COMMD6: variants seen among roughly 807,000 people sequenced by gnomAD.
COMMD6 encodes COMM domain-containing protein 6.
In COMMD6, 11 loss-of-function variants were observed where a neutral mutation model predicts 13.4. The observed-to-expected ratio is 0.82, with a 90% CI of 0.52 to 1.36. The LOEUF is 1.36. Among genes scored for constraint, COMMD6 ranks in the 40% most tolerant of loss-of-function variants. COMMD6 has a pLI of 0.00. For synonymous variants in COMMD6, 43 were observed against 36.5 expected (o/e 1.18, Z -0.64); for missense variants, 124 against 102.4 (o/e 1.21, Z -0.91).
intron 2 of COMMD6, among the ~76,000 whole-genome samples, chr13:75,534,525 A>C (rs1372719045): frequency 6.6e-6 from 1 of 152,238 alleles, no homozygotes; most frequent in Non-Finnish European, 1.5e-5. Flanking sequence ...GATTTTAAAA[A>C]TAAAAGAATA....
intron 2 of COMMD6, chr13:75,537,268 T>C: frequency 6.7e-7 from 1 of 1,487,454 alleles, no homozygotes; most frequent in East Asian, 2.5e-5. Context: ...ATGCATACTC[T>C]AAAAGGCTAA....
chr13:75,544,963 G>A (rs944685684), intron 1 of COMMD6, among the ~76,000 whole-genome samples: 1 of 147,818 alleles, frequency 6.8e-6, no homozygotes. Flanking sequence ...GACTTAAGTA[G>A]GTAAAGTGCC....
rs1315419874 is a variant in COMMD6 at position 75,529,248 on chromosome 13, C to T, written c.207+866G>A. 3.3e-5 allele frequency among the ~76,000 whole-genome samples: 5 copies of T among 152,042 alleles called. No homozygotes were observed. In the East Asian group the frequency reaches 7.7e-4, roughly 23 times the overall value. On this transcript the variant is annotated intron_variant, in intron 3 of 3. Transcript: ENST00000682242. ...ATTTAAAAGAAAACCTGGCCGGGCC[C>T]GGTGGCTCACGCCTGTAATCCTGGC... is the stretch of plus-strand genomic sequence containing the variant.
At chr13:75,539,544 G>A (rs1456084320), upstream of COMMD6, among the ~76,000 whole-genome samples, 1 of 152,072 alleles carries the variant, frequency 6.6e-6, no homozygotes, top group Admixed American at 6.5e-5. Context: ...ACTGTGCCTG[G>A]CCTCTTTCTA....
At chr13:75,532,933 G>GTT (rs1418511938) in intron 2 of COMMD6, among the ~76,000 whole-genome samples, 46 of 134,582 alleles carry the variant, frequency 3.4e-4, no homozygotes, top group African/African-American at 7.8e-4. Context: ...TTTTTGTTTT[G>GTT]TTTTTTTTTT....
At chr13:75,536,875 T>C (rs990984505) in intron 2 of COMMD6, among the ~76,000 whole-genome samples, 2 of 152,228 alleles carry the variant, frequency 1.3e-5, no homozygotes, top group East Asian at 1.9e-4. Flanking sequence ...AAATGACTTA[T>C]GAAAGATTGA....
chr13:75,533,443 C>CT (rs1178433459), intron 2 of COMMD6, among the ~76,000 whole-genome samples: 1 of 151,754 alleles, frequency 6.6e-6, no homozygotes, highest in Non-Finnish European at 1.5e-5. Flanking sequence ...TAGGGCATGC[C>CT]TTTAAGTCCC....
chr13:75,542,320 A>G (rs1593962634), upstream of COMMD6, among the ~76,000 whole-genome samples: 1 of 129,212 alleles, frequency 7.7e-6, no homozygotes, highest in Non-Finnish European at 1.6e-5. Context: ...ACAGAGTTTC[A>G]CTCTTGTTGC....
At chr13:75,537,933 T>A, upstream of COMMD6, 2 of 889,144 alleles carry the variant, frequency 2.2e-6, no homozygotes, top group East Asian at 5.0e-5. Context: ...GAAAAAAGCA[T>A]CTTTATGTGA....
At chr13:75,539,229 CTTT>C (rs71127551), upstream of COMMD6, among the ~76,000 whole-genome samples, 1 of 88,744 alleles carries the variant, frequency 1.1e-5, no homozygotes, top group East Asian at 6.2e-4. Flanking sequence ...AAACAATTAA[CTTT>C]TTTTTTTTTT....
intron 2 of COMMD6, 111 bp downstream of exon 2, chr13:75,537,553 G>A (rs1436112446): frequency 7.0e-6 from 11 of 1,560,674 alleles, no homozygotes; most frequent in Non-Finnish European, 9.5e-6. Context: ...GAAGGTCACC[G>A]GCTCGCGGAC....
intron 3 of COMMD6, chr13:75,527,690 C>G (rs947279024): frequency 3.8e-6 from 4 of 1,048,276 alleles, no homozygotes; most frequent in Non-Finnish European, 4.9e-6. Context: ...GAAGGAAATC[C>G]TGCCATTTGC....
chr13:75,546,957 T>C (rs1484857911), intron 1 of COMMD6, among the ~76,000 whole-genome samples: 1 of 152,022 alleles, frequency 6.6e-6, no homozygotes, highest in African/African-American at 2.4e-5. Context: ...CATTAGCTAA[T>C]CAATACATAA....
At chr13:75,537,405 G>A (rs764572341) in intron 2 of COMMD6, 115 of 1,551,016 alleles carry the variant, frequency 7.4e-5, no homozygotes, top group Non-Finnish European at 9.9e-5. Flanking sequence ...TCGAATAACT[G>A]TCGCCTAATC....
intron 2 of COMMD6, 22 bp from the exon 3 acceptor site, chr13:75,530,288 T>G: frequency 6.3e-7 from 1 of 1,583,634 alleles, no homozygotes. Flanking sequence ...CAGGACAAAA[T>G]AATACATTAG....
chr13:75,533,569 T>TG (rs568625588), intron 2 of COMMD6, among the ~76,000 whole-genome samples: 16,160 of 58,500 alleles, frequency 0.28, 1,251 homozygotes, highest in Middle Eastern at 0.48. Flanking sequence ...ACCCCAAATC[T>TG]GAAAAAAAAA....
At chr13:75,537,314 C>T (rs966614641) in intron 2 of COMMD6, 3 of 1,547,416 alleles carry the variant, frequency 1.9e-6, no homozygotes, top group Non-Finnish European at 2.6e-6. Flanking sequence ...AACTTAGAGA[C>T]TAAGAAAATG....
At chr13:75,538,170 G>T (rs567490077), upstream of COMMD6, among the ~76,000 whole-genome samples, 1 of 152,182 alleles carries the variant, frequency 6.6e-6, no homozygotes, top group African/African-American at 2.4e-5. Flanking sequence ...AACCAAATTC[G>T]GAAGGCGCTG....
chr13:75,535,283 T>C (rs2030625862), intron 2 of COMMD6, among the ~76,000 whole-genome samples: 1 of 152,188 alleles, frequency 6.6e-6, no homozygotes, highest in South Asian at 2.1e-4. Flanking sequence ...CGAAGGGCCC[T>C]GTAGGCCACA....
Sources: allele counts gnomAD v4.1 joint callset (sites outside exome capture counted in the v4.1 genomes callset), GRCh38; gene constraint gnomAD v4.1.1; transcripts MANE v1.5; gene names NCBI Gene and HGNC (gene_info 2026-07-23, HGNC 2026-07-21).